Variants in RBFOX1 observed in about 807,000 individuals in gnomAD.
RBFOX1 encodes the protein RNA binding fox-1 homolog 1.
RBFOX1 carries 8 observed loss-of-function variants against 57.7 expected under a neutral mutation model. That is an observed-to-expected ratio of 0.14 (90% confidence interval 0.08 to 0.25). The LOEUF (loss-of-function observed/expected upper bound fraction) is 0.25, where lower values mean the gene tolerates loss of function less well. Among genes scored for constraint, RBFOX1 ranks in the 10% least tolerant of loss-of-function variants. The probability of loss-of-function intolerance (pLI) is 1.00; values close to 1 mark genes in which losing one functional copy is unlikely to be tolerated. For synonymous variants in RBFOX1, 326 were observed against 222.4 expected, an observed-to-expected ratio of 1.47 and a Z score of -4.15; for missense variants, 611 against 548.5, an observed-to-expected ratio of 1.11 and a Z score of -1.14.
intron 3 of RBFOX1, among the ~76,000 whole-genome samples, chr16:6,697,200 A>G (rs2061181290): frequency 6.6e-6 from 1 of 152,202 alleles, no homozygotes; most frequent in African/African-American, 2.4e-5. Context: ...TATAATATGT[A>G]TATATGGTAT....
intron 2 of RBFOX1, among the ~76,000 whole-genome samples, chr16:5,480,704 CT>C (rs1279159565): frequency 1.3e-5 from 2 of 152,188 alleles, no homozygotes; most frequent in Non-Finnish European, 2.9e-5. Context: ...ATAACACACT[CT>C]TTTGTGACTT....
chr16:7,621,056 C>A (rs1054648987), intron 10 of RBFOX1, among the ~76,000 whole-genome samples: 2 of 152,058 alleles, frequency 1.3e-5, no homozygotes, highest in Admixed American at 1.3e-4. Flanking sequence ...CCCAGACCCC[C>A]TAGATAAGAA....
intron 3 of RBFOX1, among the ~76,000 whole-genome samples, chr16:5,857,443 C>T (rs560465736): frequency 6.6e-6 from 1 of 152,170 alleles, no homozygotes; most frequent in East Asian, 1.9e-4. Context: ...ACTTGCTTGA[C>T]ACAGGGTTGC....
chr16:6,897,138 A>G (rs1171460058), intron 3 of RBFOX1, among the ~76,000 whole-genome samples: 1 of 152,206 alleles, frequency 6.6e-6, no homozygotes, highest in Non-Finnish European at 1.5e-5. Flanking sequence ...TTGCTGACAA[A>G]TAACTTGCCC....
At chr16:6,665,876 G>A (rs1298627409) in intron 3 of RBFOX1, among the ~76,000 whole-genome samples, 1 of 151,946 alleles carries the variant, frequency 6.6e-6, no homozygotes, top group Non-Finnish European at 1.5e-5. Context: ...GAGGTGATAT[G>A]GTTTGACCAC....
intron 14 of RBFOX1, among the ~76,000 whole-genome samples, chr16:7,699,415 C>G (rs1291355776): frequency 6.6e-6 from 1 of 152,198 alleles, no homozygotes; most frequent in Non-Finnish European, 1.5e-5. Flanking sequence ...TGATCTCAAA[C>G]TCCTGGCCTC....
chr16:6,025,622 G>A (rs974445531), intron 1 of RBFOX1, among the ~76,000 whole-genome samples: 32 of 152,158 alleles, frequency 2.1e-4, no homozygotes, highest in African/African-American at 7.2e-4. Context: ...TTTATTGATC[G>A]TCTGTCCGGG....
At chr16:6,852,907 T>C (rs938049747) in intron 3 of RBFOX1, among the ~76,000 whole-genome samples, 1 of 152,174 alleles carries the variant, frequency 6.6e-6, no homozygotes, top group Non-Finnish European at 1.5e-5. Context: ...ACAAGGTGCA[T>C]GCTGGGAACT....
chr16:7,308,298 T>TTTTG (rs906663094), intron 4 of RBFOX1, among the ~76,000 whole-genome samples: 3 of 570 alleles, frequency 5.3e-3, no homozygotes, highest in Non-Finnish European at 0.018. Flanking sequence ...CCCAGAGCTG[T>TTTTG]TTTTTTTTTT....
chr16:5,751,388 CT>C (rs2151620051), intron 3 of RBFOX1, among the ~76,000 whole-genome samples: 1 of 152,280 alleles, frequency 6.6e-6, no homozygotes, highest in Admixed American at 6.5e-5. Context: ...CTGATTACGT[CT>C]CTTGACATCT....
At chr16:5,568,880 G>A (rs1316421562) in intron 2 of RBFOX1, among the ~76,000 whole-genome samples, 3 of 152,094 alleles carry the variant, frequency 2.0e-5, no homozygotes, top group Non-Finnish European at 2.9e-5. Flanking sequence ...TTGCTCTGTT[G>A]CCCAGGTTGG....
intron 3 of RBFOX1, among the ~76,000 whole-genome samples, chr16:6,906,393 A>T (rs1311351604): frequency 6.6e-6 from 1 of 152,212 alleles, no homozygotes; most frequent in Non-Finnish European, 1.5e-5. Context: ...TAAAAAATAC[A>T]GGATAAACAA....
intron 1 of RBFOX1, among the ~76,000 whole-genome samples, chr16:5,349,714 C>T (rs191958383): frequency 1.3e-5 from 2 of 152,272 alleles, no homozygotes; most frequent in Admixed American, 1.3e-4. Context: ...TTTCATTTTA[C>T]CTGTTCTTAA....
At chr16:6,193,391 A>AATATATATAT (rs1567650996) in intron 1 of RBFOX1, among the ~76,000 whole-genome samples, 11 of 15,752 alleles carry the variant, frequency 7.0e-4, no homozygotes, top group African/African-American at 1.2e-3. Context: ...ATATATATAT[A>AATATATATAT]CTATATATAT....
rs191905172 is a variant in RBFOX1, at chr16:6,959,297, A to G, written c.-15-92760A>G. 1.1e-4 allele frequency among the ~76,000 whole-genome samples: 16 copies of G among 152,286 alleles called. No homozygotes were observed. The East Asian group carries it at 1.7e-3, about 17-fold the overall frequency. On this transcript the variant is annotated intron_variant, in intron 3 of 15. Transcript: ENST00000550418. ...ATGTGGAGGGAGCCAGTACAGTCAT[A>G]TTAAACTTTTTCTGTTTTTAATCTC...
At chr16:6,706,169 T>C (rs2062710784) in intron 3 of RBFOX1, among the ~76,000 whole-genome samples, 1 of 152,188 alleles carries the variant, frequency 6.6e-6, no homozygotes, top group Non-Finnish European at 1.5e-5. Flanking sequence ...TTGAAAACTT[T>C]TTACTGCTCC....
At chr16:5,826,254 T>A (rs1012171768) in intron 3 of RBFOX1, among the ~76,000 whole-genome samples, 1 of 151,906 alleles carries the variant, frequency 6.6e-6, no homozygotes, top group African/African-American at 2.4e-5. Flanking sequence ...CCCTTAGCAC[T>A]TTTTATCTAA....
At chr16:5,612,129 A>G (rs1375135748) in intron 3 of RBFOX1, among the ~76,000 whole-genome samples, 1 of 150,536 alleles carries the variant, frequency 6.6e-6, no homozygotes, top group Non-Finnish European at 1.5e-5. Context: ...CTACTCTCCC[A>G]TAATTCCTCC....
intron 3 of RBFOX1, among the ~76,000 whole-genome samples, chr16:6,899,406 G>A (rs1296059919): frequency 2.0e-5 from 3 of 152,158 alleles, no homozygotes; most frequent in African/African-American, 4.8e-5. Flanking sequence ...AAATTTTCAT[G>A]AAGCATGGAT....
Sources: allele counts gnomAD v4.1 joint callset (sites outside exome capture counted in the v4.1 genomes callset), GRCh38; gene constraint gnomAD v4.1.1; transcripts MANE v1.5; gene names NCBI Gene and HGNC (gene_info 2026-07-23, HGNC 2026-07-21).